DCAF10: variants seen among roughly 807,000 people sequenced by gnomAD.
DCAF10 encodes the protein DDB1- and CUL4-associated factor 10.
DCAF10 carries 19 observed loss-of-function variants against 51.9 expected under a neutral mutation model. The ratio of observed to expected loss-of-function variants is 0.37; its 90% CI spans 0.26 to 0.54. DCAF10 has a LOEUF of 0.54. Among genes scored for constraint, DCAF10 ranks in the 20% least tolerant of loss-of-function variants. The pLI is 0.87. For missense variants in DCAF10, 510 were observed against 730.6 expected (o/e 0.70, Z 3.48); for synonymous variants, 291 against 297.1 (o/e 0.98, Z 0.21).
chr9:37,841,317 A>T (rs1254469724), intron 2 of DCAF10, among the ~76,000 whole-genome samples: 1 of 152,206 alleles, frequency 6.6e-6, no homozygotes, highest in Non-Finnish European at 1.5e-5. Flanking sequence ...ACCAGAATTC[A>T]TTTCTTCTGT....
At chr9:37,852,420 A>C (rs1367812724) in intron 3 of DCAF10, among the ~76,000 whole-genome samples, 2 of 152,148 alleles carry the variant, frequency 1.3e-5, no homozygotes, top group African/African-American at 2.4e-5. Context: ...CAACACAGCA[A>C]GACCCCATCT....
chr9:37,804,789 T>C (rs1274832984), intron 1 of DCAF10, among the ~76,000 whole-genome samples: 1 of 144,982 alleles, frequency 6.9e-6, no homozygotes, highest in African/African-American at 2.5e-5. Flanking sequence ...AAAAAAAAAG[T>C]AGAGAAAAAA....
At chr9:37,839,943 G>C (rs1442012338) in intron 2 of DCAF10, among the ~76,000 whole-genome samples, 2 of 152,160 alleles carry the variant, frequency 1.3e-5, no homozygotes, top group Non-Finnish European at 2.9e-5. Context: ...CATGACCCTA[G>C]GCAGACAGGT....
intron 1 of DCAF10, among the ~76,000 whole-genome samples, chr9:37,808,606 TA>T (rs1228521098): frequency 5.1e-5 from 5 of 97,906 alleles, no homozygotes; most frequent in Non-Finnish European, 9.2e-5. Context: ...TAATATAATA[TA>T]AAAATATAAT....
chr9:37,814,122 A>G (rs565722553), intron 1 of DCAF10, among the ~76,000 whole-genome samples: 1 of 73,614 alleles, frequency 1.4e-5, no homozygotes, highest in African/African-American at 5.5e-5. Flanking sequence ...ATATATATAT[A>G]TATATTTGTT....
chr9:37,804,100 G>A (rs1486392953), intron 1 of DCAF10, among the ~76,000 whole-genome samples: 1 of 151,884 alleles, frequency 6.6e-6, no homozygotes, highest in Admixed American at 6.6e-5. Context: ...CAGCTATAGA[G>A]ATAATTCACA....
chr9:37,829,202 C>T lies in DCAF10; in HGVS notation c.653+9801C>T, dbSNP rs1449349425. On this transcript the variant is annotated intron_variant, in intron 2 of 6. Coordinates refer to ENST00000377724, the MANE Select transcript of DCAF10 (RefSeq NM_024345.5). This position sits in a 1 kb window ranked among gnomAD's most constrained non-coding sequence, Gnocchi z 4.2. ...CACGGTGGCTCATGCCTGTAATTCC[C>T]GCACTTTTGGGTGGATCACCTGAGG... Among the ~76,000 whole-genome samples, 2 of 151,988 alleles carry T rather than the reference C, an allele frequency of 1.3e-5. No homozygotes were observed. The highest frequency in any genetic ancestry group is 1.9e-4 in the East Asian group (1 of 5,166).
Position 37,864,336 on chromosome 9 carries a change from C to A in DCAF10, c.*2828C>A, listed in dbSNP as rs762302913. The A allele has an allele frequency of 2.0e-5, 3 of 152,254 alleles. No individual in the cohort carries two copies. Among genetic ancestry groups the A allele is most frequent in the Non-Finnish European group, 2.9e-5 (2 of 68,210 alleles). 9.4% of individuals were successfully genotyped at this position (152,254 alleles called of 1,614,324 possible). A position where few individuals can be genotyped will look rare whatever the true frequency, so the allele number is the denominator to read the frequency against. On this transcript the variant is annotated 3_prime_UTR_variant, in exon 7 of 7. Transcript: ENST00000377724. Reference sequence around the variant, plus strand: ...GTGGCTCATGCCTGTAATCCCAGCACTTTGGGAGGCTGAGGTGGGTGGATC... The same window carrying A: ...GTGGCTCATGCCTGTAATCCCAGCAATTTGGGAGGCTGAGGTGGGTGGATC...
chr9:37,845,288 G>T (rs1436134322), intron 3 of DCAF10, among the ~76,000 whole-genome samples: 1 of 152,098 alleles, frequency 6.6e-6, no homozygotes. Context: ...AAATATAATA[G>T]AGGATTTTTA....
Position 37,865,722 on chromosome 9 carries a change from T to C in DCAF10, c.*4214T>C, listed in dbSNP as rs1187896426. ...AGAAGAGACGTCTATTTTAGTCTTT[T>C]AAAAATGTGTGTGGGTGGTCTTTTT... is the stretch of plus-strand genomic sequence containing the variant. On this transcript the variant is annotated 3_prime_UTR_variant, in exon 7 of 7. Coordinates refer to ENST00000377724, the MANE Select transcript of DCAF10 (RefSeq NM_024345.5). The C allele has an allele frequency of 6.6e-6, 1 of 152,172 alleles. No homozygotes were observed. The highest frequency in any genetic ancestry group is 1.9e-4 in the East Asian group (1 of 5,194). 9.4% of individuals were successfully genotyped at this position (152,172 alleles called of 1,614,324 possible). A position where few individuals can be genotyped will look rare whatever the true frequency, so the allele number is the denominator to read the frequency against.
At chr9:37,812,813 T>C (rs1222014898) in intron 1 of DCAF10, among the ~76,000 whole-genome samples, 4 of 152,074 alleles carry the variant, frequency 2.6e-5, no homozygotes, top group African/African-American at 9.7e-5. Context: ...TTTTTATTTT[T>C]TGTAGAGACA....
chr9:37,849,476 C>A (rs7038100), intron 3 of DCAF10, among the ~76,000 whole-genome samples: 29,154 of 151,958 alleles, frequency 0.19, 3,200 homozygotes, highest in African/African-American at 0.29. Context: ...GGTCAGGCAC[C>A]GTGGCTCATG....
In DCAF10 at chr9:37,801,483, T is replaced by C. The variant is rs1279037649; in HGVS notation, c.539+78T>C. 27 of 1,332,164 alleles carry C rather than the reference T, an allele frequency of 2.0e-5. No homozygotes were observed. The highest frequency in any genetic ancestry group is 2.6e-5 in the Non-Finnish European group (27 of 1,039,790). 82.5% of individuals were successfully genotyped at this position (1,332,164 alleles called of 1,614,324 possible). A position where few individuals can be genotyped will look rare whatever the true frequency, so the allele number is the denominator to read the frequency against. ...CAGCGGACGGCCGTCCTGGGCTCGC[T>C]CCCCGCGCCCGGGCCGAGGTTAGCG... On this transcript the variant is annotated intron_variant, in intron 1 of 6. Coordinates refer to ENST00000377724, the MANE Select transcript of DCAF10 (RefSeq NM_024345.5). The surrounding 1 kb of genome is among the most constrained non-coding windows in gnomAD (Gnocchi z 5.5).
chr9:37,819,243 G>A (rs772453308), intron 1 of DCAF10, 45 bp from the exon 2 acceptor site: 17 of 1,464,114 alleles, frequency 1.2e-5, no homozygotes, highest in African/African-American at 4.2e-5. Flanking sequence ...AATAACCAGC[G>A]AATGCTAGAA....
intron 1 of DCAF10, among the ~76,000 whole-genome samples, chr9:37,803,302 G>A (rs1027177049): frequency 2.6e-5 from 4 of 151,998 alleles, no homozygotes; most frequent in Non-Finnish European, 4.4e-5. Context: ...TCACTGTTTT[G>A]TAGCTTGCTT....
intron 1 of DCAF10, among the ~76,000 whole-genome samples, chr9:37,803,998 A>G (rs1013363998): frequency 2.6e-5 from 4 of 152,074 alleles, no homozygotes; most frequent in African/African-American, 4.8e-5. Flanking sequence ...CACCTTCTAA[A>G]ATGACATTTT....
At chr9:37,808,088 T>A (rs1475779461) in intron 1 of DCAF10, among the ~76,000 whole-genome samples, 2 of 152,140 alleles carry the variant, frequency 1.3e-5, no homozygotes, top group Non-Finnish European at 2.9e-5. Flanking sequence ...TTCAAAAGAT[T>A]GGTATCATAC....
Position 37,829,368 on chromosome 9 carries a change from A to G in DCAF10, c.653+9967A>G, listed in dbSNP as rs144151289. ...GACAGGAGAATCACTTGAACCCGGG[A>G]GGCGGAGGTTGCGGTGAGCCAAGAT... On this transcript the variant is annotated intron_variant, in intron 2 of 6. Transcript: ENST00000377724. The surrounding 1 kb of genome is among the most constrained non-coding windows in gnomAD (Gnocchi z 4.2). 1.6e-3 allele frequency among the ~76,000 whole-genome samples: 246 copies of G among 152,232 alleles called. No individual in the cohort carries two copies. Among genetic ancestry groups the G allele is most frequent in the African/African-American group, 5.7e-3 (236 of 41,550 alleles).
chr9:37,837,472 A>G (rs553826769), intron 2 of DCAF10, among the ~76,000 whole-genome samples: 56 of 139,014 alleles, frequency 4.0e-4, no homozygotes, highest in East Asian at 2.8e-3. Flanking sequence ...AAAAAAAAAA[A>G]AAAGAAAAGA....
Sources: gnomAD v4.1 joint callset for allele counts (sites outside exome capture counted in the v4.1 genomes callset) on GRCh38, gnomAD v4.1.1 for gene constraint, Gnocchi (gnomAD v3.1) non-coding constraint, MANE v1.5 for transcripts, NCBI Gene and HGNC (gene_info 2026-07-23, HGNC 2026-07-21) for gene names.